The following ANKRD55 variants were observed in gnomAD, a reference collection of about 807,000 sequenced individuals.
ANKRD55 encodes the protein ankyrin repeat domain 55.
ANKRD55 carries 41 observed loss-of-function variants against 60.6 expected under a neutral mutation model. The ratio of observed to expected loss-of-function variants is 0.68; its 90% CI spans 0.53 to 0.88. The LOEUF (loss-of-function observed/expected upper bound fraction) is 0.88, where lower values mean the gene tolerates loss of function less well. Among genes scored for constraint, ANKRD55 ranks in the 40% least tolerant of loss-of-function variants. ANKRD55 has a pLI of 0.00. For missense variants in ANKRD55, 732 were observed against 767.6 expected, an observed-to-expected ratio of 0.95 and a Z score of 0.55; for synonymous variants, 264 against 290.3, an observed-to-expected ratio of 0.91 and a Z score of 0.92.
rs574454211 is a variant in ANKRD55 at position 56,151,849 on chromosome 5, G to A, written c.484-7920C>T. Among the ~76,000 whole-genome samples the A allele has an allele frequency of 4.1e-3, 616 of 149,140 alleles. 4 individuals carry two copies. The highest frequency in any genetic ancestry group is 7.6e-3 in the Non-Finnish European group (510 of 67,454). ...AATCTATATATATATATGTGTGTGT[G>A]TATATATATGTATATATACGTGTGT... On this transcript the variant is annotated intron_variant, in intron 6 of 11. Transcript: ENST00000341048.
At chr5:56,147,692 C>T (rs1183076934) in intron 6 of ANKRD55, among the ~76,000 whole-genome samples, 2 of 152,110 alleles carry the variant, frequency 1.3e-5, no homozygotes, top group Admixed American at 1.3e-4. Context: ...AACACTCAGT[C>T]AAGTAAAGGG....
At chr5:56,151,958 A>T (rs948669885) in intron 6 of ANKRD55, among the ~76,000 whole-genome samples, 6 of 149,092 alleles carry the variant, frequency 4.0e-5, no homozygotes, top group South Asian at 2.1e-4. Flanking sequence ...TATATATATA[A>T]AAAATTTTTG....
At chr5:56,158,835 A>G (rs556022534) in intron 6 of ANKRD55, among the ~76,000 whole-genome samples, 4 of 151,602 alleles carry the variant, frequency 2.6e-5, no homozygotes, top group East Asian at 3.9e-4. Flanking sequence ...CTGGGACTAT[A>G]GGCATGTGCC....
chr5:56,137,678 C>A (rs937992600), intron 7 of ANKRD55: 2 of 474,264 alleles, frequency 4.2e-6, no homozygotes, highest in African/African-American at 4.0e-5. Context: ...AAATTGATAA[C>A]CTAGATTTCA....
At chr5:56,137,963 C>T (rs1030761194) in intron 7 of ANKRD55, among the ~76,000 whole-genome samples, 1 of 152,028 alleles carries the variant, frequency 6.6e-6, no homozygotes, top group Non-Finnish European at 1.5e-5. Flanking sequence ...CAAACTAAAA[C>T]AACCATGAGA....
At chr5:56,115,218 A>AAATAAATG (rs754282377) in intron 9 of ANKRD55, among the ~76,000 whole-genome samples, 3 of 139,236 alleles carry the variant, frequency 2.2e-5, no homozygotes, top group Admixed American at 1.5e-4. Context: ...TAATAATAAT[A>AAATAAATG]AATAAATAAA....
intron 5 of ANKRD55, among the ~76,000 whole-genome samples, chr5:56,166,235 CTCTA>C (rs1404027385): frequency 3.7e-5 from 5 of 136,700 alleles, no homozygotes; most frequent in Non-Finnish European, 4.7e-5. Flanking sequence ...CTTTCTTTCT[CTCTA>C]TCTTTCTCTC....
intron 5 of ANKRD55, among the ~76,000 whole-genome samples, chr5:56,168,490 T>G (rs1758536417): frequency 6.6e-6 from 1 of 152,216 alleles, no homozygotes; most frequent in African/African-American, 2.4e-5. Context: ...GGCCCCAAAG[T>G]GCAAGAGTAG....
intron 2 of ANKRD55, among the ~76,000 whole-genome samples, chr5:56,185,611 T>A (rs533843072): frequency 7.3e-5 from 11 of 151,248 alleles, no homozygotes; most frequent in African/African-American, 2.7e-4. Flanking sequence ...GAGGTTGCGG[T>A]GAGCCCAGAT....
In ANKRD55 at chr5:56,136,858, C is replaced by T. The variant is rs559130958; in HGVS notation, c.612+6943G>A. ...ATCACTTGAGACCAGGAGGTCCAGG[C>T]TGCAGTGAGCCATGATTATGTCACT... On this transcript the variant is annotated intron_variant, in intron 7 of 11. Coordinates refer to ENST00000341048, the MANE Select transcript of ANKRD55 (RefSeq NM_024669.3). 4.8e-4 allele frequency: 172 copies of T among 360,952 alleles called. 4 individuals are homozygous for T. Among genetic ancestry groups the T allele is most frequent in the South Asian group, 3.6e-3 (162 of 45,270 alleles). The allele number at this position is 360,952 out of a possible 1,614,324, so 22.4% of individuals were successfully genotyped here.
intron 6 of ANKRD55, among the ~76,000 whole-genome samples, chr5:56,150,265 T>G (rs1561270839): frequency 6.6e-6 from 1 of 152,212 alleles, no homozygotes; most frequent in Non-Finnish European, 1.5e-5. Flanking sequence ...ACAGTGCTAT[T>G]ACATTAGTGA....
At chr5:56,206,644 C>G (rs2090045895) in intron 2 of ANKRD55, among the ~76,000 whole-genome samples, 1 of 152,138 alleles carries the variant, frequency 6.6e-6, no homozygotes, top group Admixed American at 6.6e-5. Context: ...CTCTTTCCAT[C>G]CCTCCCACAA....
At position 56,170,777 on chromosome 5, in the gene ANKRD55, T is replaced by G. The variant is rs753136359; in HGVS notation, c.339A>C (p.Leu113=). The G allele has an allele frequency of 6.2e-7, 1 of 1,614,114 alleles. No individual in the cohort carries two copies. Among genetic ancestry groups the G allele is most frequent in the Non-Finnish European group, 8.5e-7 (1 of 1,179,998 alleles). ...YLGWLEGCVS[L]LRNGAKHNIP... is the part of the protein sequence containing the mutation. ...TATTGTGCTTGGCACCGTTTCTGAGTAGACTCACACAGCCTTCAAGCCAGC... is the reference window on the plus strand; with the variant it reads ...TATTGTGCTTGGCACCGTTTCTGAGGAGACTCACACAGCCTTCAAGCCAGC... The change falls in exon 5 of 12, where the codon CTA becomes CTC. Residue 113 remains leucine, a synonymous_variant. Coordinates refer to ENST00000341048, the MANE Select transcript of ANKRD55 (RefSeq NM_024669.3).
chr5:56,157,908 G>A (rs4502774), intron 6 of ANKRD55, among the ~76,000 whole-genome samples: 6,172 of 152,178 alleles, frequency 0.041, 188 homozygotes, highest in Admixed American at 0.073. Flanking sequence ...CTTTTCTCAA[G>A]TCTCTCGTTC....
chr5:56,126,598 A>G (rs1757265033), intron 8 of ANKRD55, among the ~76,000 whole-genome samples: 1 of 151,866 alleles, frequency 6.6e-6, no homozygotes, highest in South Asian at 2.1e-4. Context: ...ATGAAGAAAA[A>G]AAAAACAACC....
intron 9 of ANKRD55, 74 bp from the exon 10 acceptor site, chr5:56,111,856 C>T: frequency 3.7e-6 from 5 of 1,336,628 alleles, no homozygotes; most frequent in Non-Finnish European, 3.9e-6. Flanking sequence ...AAATACCGAC[C>T]CCCTATTCCA....
chr5:56,128,621 C>T (rs1757335673), intron 7 of ANKRD55, among the ~76,000 whole-genome samples: 1 of 152,208 alleles, frequency 6.6e-6, no homozygotes, highest in South Asian at 2.1e-4. Flanking sequence ...AGAAGATCCT[C>T]CCAGGAAGAA....
chr5:56,121,789 T>C (rs187429914), intron 8 of ANKRD55, among the ~76,000 whole-genome samples: 177 of 152,302 alleles, frequency 1.2e-3, no homozygotes, highest in African/African-American at 4.0e-3. Flanking sequence ...GTCGAATAAA[T>C]TGGTACTTTT....
chr5:56,112,511 A>AAGAAAAACAAAAAAAAAAAAAAAAC (rs1756752844), intron 9 of ANKRD55, among the ~76,000 whole-genome samples: 1 of 81,528 alleles, frequency 1.2e-5, no homozygotes, highest in Admixed American at 1.4e-4. Flanking sequence ...TAGCAAAAAA[A>AAGAAAAACAAAAAAAAAAAAAAAAC]AAAAAAAAAA....
Sources: gnomAD v4.1 joint callset for allele counts (sites outside exome capture counted in the v4.1 genomes callset) on GRCh38, gnomAD v4.1.1 for gene constraint, MANE v1.5 for transcripts, NCBI Gene and HGNC (gene_info 2026-07-23, HGNC 2026-07-21) for gene names.